SORCS2: variants seen among roughly 807,000 people sequenced by gnomAD.
The protein encoded by SORCS2 is VPS10 domain-containing receptor SorCS2.
In SORCS2, 100 loss-of-function variants were observed where a neutral mutation model predicts 141.6. The ratio of observed to expected loss-of-function variants is 0.71; its 90% CI spans 0.60 to 0.83. The LOEUF is 0.83. Among genes scored for constraint, SORCS2 ranks in the 40% least tolerant of loss-of-function variants. SORCS2 has a pLI of 0.00. For synonymous variants in SORCS2, 789 were observed against 676.9 expected, an observed-to-expected ratio of 1.17 and a Z score of -2.57; for missense variants, 1,646 against 1,560.2, an observed-to-expected ratio of 1.05 and a Z score of -0.93.
chr4:7,393,979 G>A (rs746807851), intron 1 of SORCS2, among the ~76,000 whole-genome samples: 12 of 152,088 alleles, frequency 7.9e-5, no homozygotes, highest in Non-Finnish European at 1.2e-4. Flanking sequence ...GAGTCAGGGC[G>A]TGGTGGGGCT....
At chr4:7,621,453 G>A (rs1175421175) in intron 3 of SORCS2, among the ~76,000 whole-genome samples, 1 of 147,788 alleles carries the variant, frequency 6.8e-6, no homozygotes, top group Non-Finnish European at 1.5e-5. Flanking sequence ...GTGTGTGTCT[G>A]TGTGAGTGTT....
intron 12 of SORCS2, among the ~76,000 whole-genome samples, chr4:7,700,503 G>A (rs1306819356): frequency 1.3e-5 from 2 of 152,284 alleles, no homozygotes; most frequent in South Asian, 4.1e-4. Context: ...TAGATCAATG[G>A]GGAGGAGAAC....
chr4:7,711,148 A>G (rs946232777), intron 14 of SORCS2, among the ~76,000 whole-genome samples: 3 of 152,200 alleles, frequency 2.0e-5, no homozygotes, highest in Middle Eastern at 3.2e-3. Context: ...GGTTTCATCA[A>G]ACAAAGACAA....
rs1024330438 is a variant in SORCS2 at position 7,443,570 on chromosome 4, C to T, written c.548+47215C>T. On this transcript the variant is annotated intron_variant, in intron 2 of 26. Transcript: ENST00000507866. ...CAGCCACAGTGGCCCCAACTCCAGACATTTAGAAGCCGTGTCCTAAGGCTT... is the reference window on the plus strand; with the variant it reads ...CAGCCACAGTGGCCCCAACTCCAGATATTTAGAAGCCGTGTCCTAAGGCTT... 5.3e-5 allele frequency among the ~76,000 whole-genome samples: 8 copies of T among 152,192 alleles called. No homozygotes were observed. In the South Asian group the frequency reaches 6.2e-4, roughly 12 times the overall value.
chr4:7,543,635 TCCGTCCATCCGTCCATCCATCCACCCAC>T (rs1712904020), intron 3 of SORCS2, among the ~76,000 whole-genome samples: 1 of 85,602 alleles, frequency 1.2e-5, no homozygotes. Flanking sequence ...CATCCACCCA[TCCGTCCATCCGTCCATCCATCCACCCAC>T]CCATCCATCC....
chr4:7,457,166 A>T (rs1319698029), intron 2 of SORCS2, among the ~76,000 whole-genome samples: 3 of 152,184 alleles, frequency 2.0e-5, no homozygotes, highest in African/African-American at 7.2e-5. Flanking sequence ...CCCCGGACAG[A>T]TTCCCCGCCA....
chr4:7,543,829 TGTCC>T (rs1712976758), intron 3 of SORCS2, among the ~76,000 whole-genome samples: 1 of 30,650 alleles, frequency 3.3e-5, no homozygotes, highest in Non-Finnish European at 6.8e-5. Context: ...TCTACCCATC[TGTCC>T]ATCCATCCAC....
rs1711636858 is a variant in SORCS2, at chr4:7,531,457, T to C, written c.549-73T>C. ...GCCCGCACGGGCACAGGGCAGGGGC[T>C]GGACACCGTGTGGGCTGACGAAGGC... On this transcript the variant is annotated intron_variant, in intron 2 of 26. Coordinates refer to ENST00000507866, the MANE Select transcript of SORCS2 (RefSeq NM_020777.3). 2.8e-6 allele frequency: 4 copies of C among 1,430,770 alleles called. No homozygotes were observed. In the South Asian group the frequency reaches 4.8e-5, roughly 17 times the overall value. The allele number at this position is 1,430,770 out of a possible 1,614,324, so 88.6% of individuals were successfully genotyped here.
chr4:7,639,594 T>G (rs774912196), intron 4 of SORCS2, among the ~76,000 whole-genome samples: 3 of 150,614 alleles, frequency 2.0e-5, no homozygotes, highest in Non-Finnish European at 3.0e-5. Context: ...AATGCGAGTG[T>G]GGGTGTGAGT....
intron 8 of SORCS2, among the ~76,000 whole-genome samples, chr4:7,674,731 G>T (rs1415731124): frequency 6.6e-6 from 1 of 151,798 alleles, no homozygotes; most frequent in Non-Finnish European, 1.5e-5. Context: ...ACCTGCCAGG[G>T]CAGCTTCTTC....
intron 20 of SORCS2, 58 bp from the exon 21 acceptor site, chr4:7,726,722 T>C (rs551006151): frequency 6.3e-7 from 1 of 1,585,660 alleles, no homozygotes; most frequent in Non-Finnish European, 8.6e-7. Context: ...TAGGCCAGCG[T>C]CCCCCACGGC....
chr4:7,383,177 C>T (rs566420534), intron 1 of SORCS2, among the ~76,000 whole-genome samples: 27 of 152,056 alleles, frequency 1.8e-4, no homozygotes, highest in Admixed American at 6.6e-4. Flanking sequence ...TAATTTGGTA[C>T]GGAGCTCAAG....
At chr4:7,605,409 G>C (rs1270934557) in intron 3 of SORCS2, among the ~76,000 whole-genome samples, 1 of 152,154 alleles carries the variant, frequency 6.6e-6, no homozygotes, top group Non-Finnish European at 1.5e-5. Context: ...TCGAGGAAAG[G>C]ATAGGTGTTG....
intron 4 of SORCS2, among the ~76,000 whole-genome samples, chr4:7,642,280 G>C (rs944992079): frequency 2.6e-5 from 4 of 152,144 alleles, no homozygotes; most frequent in African/African-American, 7.2e-5. Context: ...TGTGCTTCTG[G>C]GTATTAATAG....
Position 7,549,485 on chromosome 4 carries a change from A to G in SORCS2, c.648+17856A>G, listed in dbSNP as rs140850003. Among the ~76,000 whole-genome samples the G allele has an allele frequency of 5.5e-4, 83 of 152,184 alleles. 2 individuals carry two copies. In the East Asian group the frequency reaches 0.015, roughly 28 times the overall value. On this transcript the variant is annotated intron_variant, in intron 3 of 26. Coordinates refer to ENST00000507866, the MANE Select transcript of SORCS2 (RefSeq NM_020777.3). ...GAGGCCCCTGAGGCCAGGCCAGGCT[A>G]CAGGGCACTGATAATCCACCAGTCA...
chr4:7,456,931 C>G (rs1728949275), intron 2 of SORCS2, among the ~76,000 whole-genome samples: 1 of 152,084 alleles, frequency 6.6e-6, no homozygotes, highest in African/African-American at 2.4e-5. Flanking sequence ...CATTTCACCC[C>G]TGGTTGGGTG....
At chr4:7,475,035 G>T (rs2109354739) in intron 2 of SORCS2, among the ~76,000 whole-genome samples, 1 of 152,292 alleles carries the variant, frequency 6.6e-6, no homozygotes, top group East Asian at 1.9e-4. Context: ...TGGACTTAGG[G>T]CCCACTCTGG....
At chr4:7,352,689 G>C (rs1227528782) in intron 1 of SORCS2, among the ~76,000 whole-genome samples, 1 of 152,224 alleles carries the variant, frequency 6.6e-6, no homozygotes, top group African/African-American at 2.4e-5. Flanking sequence ...TGCATCCTCA[G>C]AGGACACCTC....
intron 1 of SORCS2, among the ~76,000 whole-genome samples, chr4:7,338,389 A>G (rs1335773529): frequency 2.7e-5 from 4 of 146,052 alleles, no homozygotes; most frequent in African/African-American, 1.0e-4. Flanking sequence ...TGTCGGTTGG[A>G]TGGATGGATG....
Sources: allele counts gnomAD v4.1 joint callset (sites outside exome capture counted in the v4.1 genomes callset), GRCh38; gene constraint gnomAD v4.1.1; transcripts MANE v1.5; gene names NCBI Gene and HGNC (gene_info 2026-07-23, HGNC 2026-07-21).